VGLL4: variants seen among roughly 807,000 people sequenced by gnomAD.
VGLL4 encodes vestigial like family member 4, also known as transcription cofactor vestigial-like protein 4.
In VGLL4, 7 loss-of-function variants were observed where a neutral mutation model predicts 21.0. That is an observed-to-expected ratio of 0.33 (90% CI 0.19 to 0.63). VGLL4 has a LOEUF of 0.63. Ranked by LOEUF, VGLL4 falls within the 20% of genes least tolerant of loss-of-function variation. The probability of loss-of-function intolerance (pLI) is 0.78; values close to 1 mark genes in which losing one functional copy is unlikely to be tolerated. For missense variants in VGLL4, 394 were observed against 425.7 expected (o/e 0.93, Z 0.66); for synonymous variants, 222 against 173.2 (o/e 1.28, Z -2.21).
chr3:11,685,873 G>C (rs972134234), intron 2 of VGLL4, among the ~76,000 whole-genome samples: 1 of 152,052 alleles, frequency 6.6e-6, no homozygotes, highest in Non-Finnish European at 1.5e-5. Context: ...TTTTTTAAAT[G>C]GGCAAAGCAC....
At chr3:11,646,334 ACGT>A (rs2075792171), upstream of VGLL4, among the ~76,000 whole-genome samples, 1 of 152,212 alleles carries the variant, frequency 6.6e-6, no homozygotes, top group Non-Finnish European at 1.5e-5. Flanking sequence ...TTACTGTGCT[ACGT>A]TTTTACATAA....
upstream of VGLL4, among the ~76,000 whole-genome samples, chr3:11,646,111 A>G (rs1575491126): frequency 6.6e-6 from 1 of 152,238 alleles, no homozygotes; most frequent in Admixed American, 6.5e-5. Context: ...GCTTTCATTT[A>G]TAAGAATATT....
rs764001175 is a variant in VGLL4, at chr3:11,558,857, G to A, written c.620-30C>T. The stretch of plus-strand genomic sequence containing the variant: ...AGGCAAGCAGGAAGGCAGGCAGTCA[G>A]ACACAGGTGGCTGCAGACAGACAGG... On this transcript the variant is annotated intron_variant, in intron 4 of 4. Coordinates refer to ENST00000430365, the MANE Select transcript of VGLL4 (RefSeq NM_001128219.3). The A allele has an allele frequency of 1.1e-5, 18 of 1,605,172 alleles. No homozygotes were observed. In the African/African-American group the frequency reaches 2.1e-4, roughly 19 times the overall value.
intron 1 of VGLL4, among the ~76,000 whole-genome samples, chr3:11,625,933 CG>C (rs2075344515): frequency 1.3e-5 from 2 of 152,022 alleles, no homozygotes; most frequent in Admixed American, 1.3e-4. Flanking sequence ...AGGTTTCTTC[CG>C]GGAGTGATGA....
intron 1 of VGLL4, among the ~76,000 whole-genome samples, chr3:11,624,221 A>AAGAGGTGCCCAAGAGGTG (rs2075313613): frequency 6.6e-6 from 1 of 152,176 alleles, no homozygotes; most frequent in Non-Finnish European, 1.5e-5. Flanking sequence ...ACGATATGTC[A>AAGAGGTGCCCAAGAGGTG]TTTTAGCGTG....
chr3:11,570,723 T>C (rs2073740652), intron 2 of VGLL4, among the ~76,000 whole-genome samples: 1 of 152,222 alleles, frequency 6.6e-6, no homozygotes, highest in South Asian at 2.1e-4. Flanking sequence ...ATTTAAATGT[T>C]GGGCATAAAC....
intron 1 of VGLL4, among the ~76,000 whole-genome samples, chr3:11,612,349 G>A (rs537235343): frequency 1.2e-4 from 18 of 152,200 alleles, no homozygotes; most frequent in African/African-American, 2.4e-4. Flanking sequence ...TGCAACCTCC[G>A]TGGAATTGAG....
At chr3:11,562,613 C>A (rs2073122035) in intron 3 of VGLL4, among the ~76,000 whole-genome samples, 1 of 152,236 alleles carries the variant, frequency 6.6e-6, no homozygotes, top group Admixed American at 6.5e-5. Flanking sequence ...GCAGGGCGCC[C>A]GAGCCCAGCT....
chr3:11,557,552 C>CCGCACTACTTGTGAGTAAA lies in VGLL4; in HGVS notation c.*985_*1003dup, dbSNP rs2072558043. 2 of 152,534 alleles carry CCGCACTACTTGTGAGTAAA rather than the reference C, an allele frequency of 1.3e-5. No individual in the cohort carries two copies. The highest frequency in any genetic ancestry group is 6.5e-5 in the Admixed American group (1 of 15,284). 9.4% of individuals were successfully genotyped at this position (152,534 alleles called of 1,614,324 possible). On this transcript the variant is annotated 3_prime_UTR_variant, in exon 5 of 5. Transcript: ENST00000430365. ...CGAGGGCCTGCCAGGAGCTGGCCTC[C>CCGCACTACTTGTGAGTAAA]CGCACTACTTGTGAGTAAAGTGAAT... is the stretch of plus-strand genomic sequence containing the variant.
chr3:11,590,618 T>C (rs766144511), intron 2 of VGLL4, among the ~76,000 whole-genome samples: 22 of 152,088 alleles, frequency 1.4e-4, no homozygotes, highest in Non-Finnish European at 2.8e-4. Flanking sequence ...TTAAGCCCTC[T>C]AATTATGTTT....
At chr3:11,576,250 G>A (rs1004347407) in intron 2 of VGLL4, among the ~76,000 whole-genome samples, 6 of 152,192 alleles carry the variant, frequency 3.9e-5, no homozygotes, top group Non-Finnish European at 7.3e-5. Context: ...CCATGTGCAT[G>A]CTAAGCACTG....
At chr3:11,610,790 T>C (rs188791834) in intron 1 of VGLL4, 2 of 152,330 alleles carry the variant, frequency 1.3e-5, no homozygotes, top group African/African-American at 2.4e-5. Context: ...ATCTAAATCA[T>C]TTCATACACA....
intron 2 of VGLL4, among the ~76,000 whole-genome samples, chr3:11,686,836 T>C (rs564147588): frequency 6.5e-4 from 99 of 152,326 alleles, no homozygotes; most frequent in Non-Finnish European, 1.2e-3. Context: ...GCACAATCCA[T>C]TGGTGGTTCC....
intron 2 of VGLL4, among the ~76,000 whole-genome samples, chr3:11,595,836 T>C (rs2074624115): frequency 5.0e-5 from 1 of 20,046 alleles, no homozygotes; most frequent in South Asian, 8.0e-4. Context: ...GGGACTGTTG[T>C]GGTGTGGGGG....
intron 1 of VGLL4, among the ~76,000 whole-genome samples, chr3:11,706,945 A>G (rs1157362601): frequency 6.6e-6 from 1 of 152,078 alleles, no homozygotes; most frequent in Non-Finnish European, 1.5e-5. Flanking sequence ...TTGATACTTA[A>G]TGTCACAGGC....
chr3:11,576,707 G>A (rs1048359408), intron 2 of VGLL4, among the ~76,000 whole-genome samples: 3 of 152,174 alleles, frequency 2.0e-5, no homozygotes, highest in Non-Finnish European at 2.9e-5. Context: ...TGTTCTCCCT[G>A]CTGCTTCACT....
chr3:11,685,030 G>A (rs2076426543), intron 2 of VGLL4, among the ~76,000 whole-genome samples: 1 of 151,924 alleles, frequency 6.6e-6, no homozygotes, highest in Non-Finnish European at 1.5e-5. Flanking sequence ...TCCCCTCTTT[G>A]TGTCATGAGT....
intron 2 of VGLL4, among the ~76,000 whole-genome samples, chr3:11,691,614 C>CG (rs1212323585): frequency 2.6e-5 from 4 of 152,134 alleles, no homozygotes; most frequent in Non-Finnish European, 5.9e-5. Flanking sequence ...ACAGGAGTTA[C>CG]GGGCCTTCCG....
chr3:11,568,716 T>C lies in VGLL4; in HGVS notation c.273-3697A>G. 4 of 1,546,602 alleles carry C rather than the reference T, an allele frequency of 2.6e-6. No homozygotes were observed. The highest frequency in any genetic ancestry group is 3.5e-6 in the Non-Finnish European group (4 of 1,145,006). On this transcript the variant is annotated intron_variant, in intron 2 of 4. Transcript: ENST00000430365. This position sits in a 1 kb window ranked among gnomAD's most constrained non-coding sequence, Gnocchi z 5.9. ...CCACTGCTTCCCAGGCGTCATGTGC[T>C]CCCGGGGACGGCAGAAAACCGCACG...
Sources: gnomAD v4.1 joint callset for allele counts (sites outside exome capture counted in the v4.1 genomes callset) on GRCh38, gnomAD v4.1.1 for gene constraint, Gnocchi (gnomAD v3.1) non-coding constraint, MANE v1.5 for transcripts, NCBI Gene and HGNC (gene_info 2026-07-23, HGNC 2026-07-21) for gene names.